RSU1: variants seen among roughly 807,000 people sequenced by gnomAD.
RSU1 encodes rsu-1.
In RSU1, 26 loss-of-function variants were observed where a neutral mutation model predicts 31.1. That is an observed-to-expected ratio of 0.84 (90% confidence interval 0.61 to 1.16). The LOEUF (loss-of-function observed/expected upper bound fraction) is 1.16. Ranked by LOEUF, RSU1 falls within the 50% of genes most tolerant of loss-of-function variation. The pLI, the probability that RSU1 is intolerant of heterozygous loss-of-function variation, is 0.00. For synonymous variants in RSU1, 164 were observed against 136.3 expected (o/e 1.20, Z -1.41); for missense variants, 320 against 339.1 (o/e 0.94, Z 0.44).
intron 7 of RSU1, among the ~76,000 whole-genome samples, chr10:16,696,822 C>T (rs1411090042): frequency 6.8e-6 from 1 of 147,110 alleles, no homozygotes; most frequent in Non-Finnish European, 1.5e-5. Flanking sequence ...ATCTTGTTGG[C>T]AAGGGGCTGC....
intron 8 of RSU1, among the ~76,000 whole-genome samples, chr10:16,671,711 C>T (rs1050287676): frequency 3.9e-5 from 6 of 151,910 alleles, no homozygotes; most frequent in Non-Finnish European, 5.9e-5. Flanking sequence ...CTGCTACCTC[C>T]ACCTCCCAGG....
chr10:16,813,899 G>C (rs751089629), intron 2 of RSU1, among the ~76,000 whole-genome samples: 12 of 152,282 alleles, frequency 7.9e-5, no homozygotes, highest in South Asian at 4.1e-4. Context: ...CTAAGGAAGG[G>C]CTGCGTTAGA....
At chr10:16,604,375 G>A (rs1330345608) in intron 8 of RSU1, among the ~76,000 whole-genome samples, 16 of 152,270 alleles carry the variant, frequency 1.1e-4, no homozygotes, top group Non-Finnish European at 2.2e-4. Flanking sequence ...GAAAACGGGG[G>A]AGAAAATGCA....
intron 2 of RSU1, among the ~76,000 whole-genome samples, chr10:16,798,952 G>GA (rs1312572459): frequency 1.3e-5 from 2 of 152,264 alleles, no homozygotes; most frequent in South Asian, 2.1e-4. Context: ...ACTATCCACA[G>GA]AAAAAACTCT....
chr10:16,806,579 T>A (rs559048322), intron 2 of RSU1, among the ~76,000 whole-genome samples: 1 of 152,272 alleles, frequency 6.6e-6, no homozygotes, highest in African/African-American at 2.4e-5. Flanking sequence ...ATGTGGTAAA[T>A]GTGTGCGTGT....
At chr10:16,601,964 C>G (rs1045638815) in intron 8 of RSU1, among the ~76,000 whole-genome samples, 3 of 152,204 alleles carry the variant, frequency 2.0e-5, no homozygotes, top group Non-Finnish European at 4.4e-5. Flanking sequence ...GCCTTGGGCT[C>G]ACCCATTGAA....
chr10:16,620,709 G>T (rs545880300), intron 8 of RSU1, among the ~76,000 whole-genome samples: 1 of 152,094 alleles, frequency 6.6e-6, no homozygotes, highest in Non-Finnish European at 1.5e-5. Context: ...GCTGGGTGTG[G>T]TGATGGGTGC....
intron 2 of RSU1, among the ~76,000 whole-genome samples, chr10:16,810,770 T>C (rs1333003279): frequency 2.0e-5 from 3 of 152,186 alleles, no homozygotes; most frequent in Non-Finnish European, 2.9e-5. Context: ...CACTCAACAA[T>C]GAACCACCCG....
chr10:16,692,554 C>T (rs1835581376), intron 8 of RSU1, among the ~76,000 whole-genome samples: 1 of 152,068 alleles, frequency 6.6e-6, no homozygotes, highest in African/African-American at 2.4e-5. Context: ...ACCATACAAA[C>T]CAAGCTCTAA....
chr10:16,767,348 A>G (rs1307193958), intron 3 of RSU1: 1 of 152,244 alleles, frequency 6.6e-6, no homozygotes, highest in Non-Finnish European at 1.5e-5. Flanking sequence ...ATGCTGGTCT[A>G]AAGGTATCGC....
At chr10:16,745,625 A>G (rs1450370100) in intron 7 of RSU1, among the ~76,000 whole-genome samples, 1 of 119,872 alleles carries the variant, frequency 8.3e-6, no homozygotes, top group Admixed American at 9.5e-5. Flanking sequence ...AGAACGGCAC[A>G]GGAAAGACCC....
chr10:16,774,351 T>C (rs971793886), intron 3 of RSU1, among the ~76,000 whole-genome samples: 3 of 152,062 alleles, frequency 2.0e-5, no homozygotes, highest in African/African-American at 7.3e-5. Context: ...GGCAAGCAGA[T>C]TGCTTGAGGC....
At chr10:16,749,872 C>T (rs78361659) in intron 7 of RSU1, among the ~76,000 whole-genome samples, 1,918 of 152,258 alleles carry the variant, frequency 0.013, 48 homozygotes, top group African/African-American at 0.043. Flanking sequence ...AACTTGGAAA[C>T]TGCATTTCTA....
chr10:16,677,408 G>C (rs905222378), intron 8 of RSU1, among the ~76,000 whole-genome samples: 2 of 151,942 alleles, frequency 1.3e-5, no homozygotes, highest in African/African-American at 2.4e-5. Flanking sequence ...GAGGCAAACT[G>C]TATCACACAC....
intron 7 of RSU1, among the ~76,000 whole-genome samples, chr10:16,718,317 A>G (rs1449811870): frequency 6.6e-6 from 1 of 152,216 alleles, no homozygotes; most frequent in Non-Finnish European, 1.5e-5. Context: ...AAAAGGGTAC[A>G]CAGAATTTAT....
intron 8 of RSU1, among the ~76,000 whole-genome samples, chr10:16,657,363 C>A (rs1167413332): frequency 1.3e-5 from 2 of 152,052 alleles, no homozygotes; most frequent in Non-Finnish European, 1.5e-5. Context: ...AATAGGCTGT[C>A]TGGTAGTAAG....
chr10:16,748,277 G>A (rs1342993067), intron 7 of RSU1: 1 of 151,914 alleles, frequency 6.6e-6, no homozygotes, highest in Non-Finnish European at 1.5e-5. Flanking sequence ...GGGGACATCC[G>A]GCTGCATGCC....
rs184805830 is a variant in RSU1 at position 16,697,628 on chromosome 10, C to A, written c.599-2473G>T. On this transcript the variant is annotated intron_variant, in intron 7 of 8. Coordinates refer to ENST00000345264, the MANE Select transcript of RSU1 (RefSeq NM_012425.4). ...GCAGTGAGCCGAAATGGCACCACTG[C>A]ACTCCAGCCTGGGTAACAGAGCAAG... Among the ~76,000 whole-genome samples the A allele has an allele frequency of 2.7e-5, 4 of 150,576 alleles. No individual in the cohort carries two copies. The East Asian group carries it at 5.9e-4, about 22-fold the overall frequency.
In RSU1 at chr10:16,719,736, C is replaced by A. The variant is rs180926857; in HGVS notation, c.599-24581G>T. ...GCGTGGTGATGACGCCTTCTCTAAGCTCTGTCTGCATCAATGGCTGCTATG... is the reference window on the plus strand; with the variant it reads ...GCGTGGTGATGACGCCTTCTCTAAGATCTGTCTGCATCAATGGCTGCTATG... On this transcript the variant is annotated intron_variant, in intron 7 of 8. Transcript: ENST00000345264. Among the ~76,000 whole-genome samples the A allele has an allele frequency of 2.2e-3, 335 of 152,350 alleles. 2 individuals are homozygous for A. The highest frequency in any genetic ancestry group is 7.3e-3 in the African/African-American group (303 of 41,570).
Sources: allele counts gnomAD v4.1 joint callset (sites outside exome capture counted in the v4.1 genomes callset), GRCh38; gene constraint gnomAD v4.1.1; transcripts MANE v1.5; gene names NCBI Gene and HGNC (gene_info 2026-07-23, HGNC 2026-07-21).